The following RAD51B variants were observed in gnomAD, a reference collection of about 807,000 sequenced individuals.
RAD51B encodes the protein DNA repair protein RAD51 homolog 2.
In RAD51B, 38 loss-of-function variants were observed where a neutral mutation model predicts 42.2. The observed-to-expected ratio is 0.90, with a 90% CI of 0.70 to 1.18. The LOEUF (loss-of-function observed/expected upper bound fraction) is 1.18, where lower values mean the gene tolerates loss of function less well. Among genes scored for constraint, RAD51B ranks in the 50% most tolerant of loss-of-function variants. RAD51B has a pLI of 0.00. For missense variants in RAD51B, 373 were observed against 400.7 expected (o/e 0.93, Z 0.59); for synonymous variants, 154 against 145.2 (o/e 1.06, Z -0.43).
chr14:68,674,532 T>C (rs1893264681), intron 11 of RAD51B, among the ~76,000 whole-genome samples: 2 of 151,964 alleles, frequency 1.3e-5, no homozygotes, highest in African/African-American at 2.4e-5. Flanking sequence ...TAACATATAA[T>C]GTTACCAATT....
rs2079455434 is a variant in RAD51B, at chr14:68,200,252, G to T, written c.757-91632G>T. On this transcript the variant is annotated intron_variant, in intron 7 of 10. Transcript: ENST00000471583. ...AGGCAATCTCAGCGTCTGGCATGGG[G>T]GAGCCCAAGAACATAGGCAGTGCAA... 3.3e-5 allele frequency among the ~76,000 whole-genome samples: 5 copies of T among 152,128 alleles called. No individual in the cohort carries two copies. In the South Asian group the frequency reaches 1.0e-3, roughly 32 times the overall value.
chr14:68,145,162 A>C (rs1261355708), intron 7 of RAD51B, among the ~76,000 whole-genome samples: 3 of 152,216 alleles, frequency 2.0e-5, no homozygotes, highest in Non-Finnish European at 4.4e-5. Context: ...ACATGATTAG[A>C]CCAAGGTCAC....
intron 7 of RAD51B, among the ~76,000 whole-genome samples, chr14:67,979,031 G>C (rs917406368): frequency 3.3e-5 from 5 of 152,132 alleles, no homozygotes; most frequent in Admixed American, 1.3e-4. Flanking sequence ...CTAAAAGCTA[G>C]TCTACTAATT....
At chr14:68,542,048 C>CAT (rs1286867232) in intron 10 of RAD51B, among the ~76,000 whole-genome samples, 2 of 152,090 alleles carry the variant, frequency 1.3e-5, no homozygotes, top group Non-Finnish European at 2.9e-5. Flanking sequence ...CATTATAAAA[C>CAT]ATATACAAAA....
intron 10 of RAD51B, among the ~76,000 whole-genome samples, chr14:68,548,174 C>A (rs950592775): frequency 6.6e-6 from 1 of 152,154 alleles, no homozygotes; most frequent in Non-Finnish European, 1.5e-5. Flanking sequence ...GCTGAGATAC[C>A]GAGGCTTCCT....
chr14:68,593,449 C>T (rs1890847278), intron 10 of RAD51B, among the ~76,000 whole-genome samples: 2 of 152,120 alleles, frequency 1.3e-5, no homozygotes, highest in Admixed American at 6.5e-5. Context: ...ACAAGTTGTC[C>T]CAGTGGCAAA....
chr14:68,220,210 A>G (rs1021688470), intron 7 of RAD51B, among the ~76,000 whole-genome samples: 2 of 152,228 alleles, frequency 1.3e-5, no homozygotes, highest in African/African-American at 4.8e-5. Context: ...CCTAAGAATA[A>G]TTGGTGTTCC....
At chr14:68,497,003 G>A in intron 10 of RAD51B, 1 of 948,398 alleles carries the variant, frequency 1.1e-6, no homozygotes, top group Non-Finnish European at 1.5e-6. Context: ...ACAGAATGGG[G>A]GCATGAACTT....
intron 7 of RAD51B, among the ~76,000 whole-genome samples, chr14:68,128,846 A>ATTT (rs1273184244): frequency 1.3e-5 from 2 of 152,230 alleles, no homozygotes; most frequent in African/African-American, 2.4e-5. Flanking sequence ...TCTATTTTAA[A>ATTT]AGAGTTAACA....
intron 7 of RAD51B, among the ~76,000 whole-genome samples, chr14:68,100,924 T>C (rs557307177): frequency 2.7e-4 from 41 of 152,310 alleles, no homozygotes; most frequent in African/African-American, 8.2e-4. Context: ...ACTGGTAATT[T>C]ATAAAGGAAA....
At chr14:68,094,715 A>G (rs1477843897) in intron 7 of RAD51B, among the ~76,000 whole-genome samples, 4 of 152,200 alleles carry the variant, frequency 2.6e-5, no homozygotes, top group Non-Finnish European at 1.5e-5. Context: ...TTATCCCCAC[A>G]GTCAGGGTGA....
chr14:67,834,750 A>G (rs2140297208), intron 3 of RAD51B, among the ~76,000 whole-genome samples: 1 of 152,278 alleles, frequency 6.6e-6, no homozygotes, highest in Middle Eastern at 3.4e-3. Flanking sequence ...CAATTCCATT[A>G]AGTTTCCAAA....
intron 7 of RAD51B, among the ~76,000 whole-genome samples, chr14:68,228,474 T>C (rs1488570614): frequency 6.6e-6 from 1 of 152,220 alleles, no homozygotes; most frequent in Non-Finnish European, 1.5e-5. Flanking sequence ...TTTCATTGTC[T>C]CGCCTTTAAC....
chr14:67,899,720 A>G (rs775939109), intron 7 of RAD51B, among the ~76,000 whole-genome samples: 1 of 152,232 alleles, frequency 6.6e-6, no homozygotes, highest in Non-Finnish European at 1.5e-5. Context: ...CATCTTATTG[A>G]TAACTACTTT....
chr14:68,422,106 T>A, intron 9 of RAD51B: 1 of 1,474,496 alleles, frequency 6.8e-7, no homozygotes, highest in South Asian at 1.1e-5. Flanking sequence ...TCTGCTGTCT[T>A]TGGGATCTTG....
chr14:68,017,116 T>C (rs1030392759), intron 7 of RAD51B, among the ~76,000 whole-genome samples: 4 of 152,186 alleles, frequency 2.6e-5, no homozygotes, highest in African/African-American at 9.6e-5. Flanking sequence ...AAAAGATATA[T>C]CATTTTTGTC....
At chr14:68,564,244 A>G (rs375343731) in intron 10 of RAD51B, among the ~76,000 whole-genome samples, 2 of 152,196 alleles carry the variant, frequency 1.3e-5, no homozygotes, top group South Asian at 2.1e-4. Context: ...TCTGCGGCCA[A>G]TATCCCTTCG....
chr14:67,945,657 G>A (rs2045365324), intron 7 of RAD51B, among the ~76,000 whole-genome samples: 1 of 151,912 alleles, frequency 6.6e-6, no homozygotes, highest in Non-Finnish European at 1.5e-5. Flanking sequence ...TTTTAGTAGA[G>A]ATGGGGTTTC....
chr14:68,437,219 G>A (rs938950672), intron 9 of RAD51B, among the ~76,000 whole-genome samples: 1 of 152,104 alleles, frequency 6.6e-6, no homozygotes, highest in Non-Finnish European at 1.5e-5. Flanking sequence ...ATTTTTTCAT[G>A]AAGGAATATG....
Sources: gnomAD v4.1 joint callset for allele counts (sites outside exome capture counted in the v4.1 genomes callset) on GRCh38, gnomAD v4.1.1 for gene constraint, MANE v1.5 for transcripts, NCBI Gene and HGNC (gene_info 2026-07-23, HGNC 2026-07-21) for gene names.